The following CNTRL variants were observed in gnomAD, a reference collection of about 807,000 sequenced individuals.
CNTRL encodes centriolin.
In CNTRL, 233 loss-of-function variants were observed where a neutral mutation model predicts 303.7. That is an observed-to-expected ratio of 0.77 (90% confidence interval 0.69 to 0.86). The LOEUF is 0.86. Ranked by LOEUF, CNTRL falls within the 40% of genes least tolerant of loss-of-function variation. The pLI is 0.00. For synonymous variants in CNTRL, 900 were observed against 922.2 expected, an observed-to-expected ratio of 0.98 and a Z score of 0.44; for missense variants, 2,524 against 2,650.6, an observed-to-expected ratio of 0.95 and a Z score of 1.05.
intron 17 of CNTRL, 86 bp from the exon 18 acceptor site, chr9:121,141,295 C>T: frequency 9.3e-7 from 1 of 1,075,652 alleles, no homozygotes; most frequent in South Asian, 1.4e-5. Flanking sequence ...CAGCTTTTTA[C>T]TCTGGAGCTA....
chr9:121,168,513 G>A (rs759893353), intron 38 of CNTRL, among the ~76,000 whole-genome samples, 192 bp downstream of exon 38: 5 of 152,218 alleles, frequency 3.3e-5, no homozygotes, highest in African/African-American at 4.8e-5. Context: ...TCCTGAGACT[G>A]ACCAGCAAGT....
At chr9:121,159,182 CAT>C (rs1232969727) in intron 31 of CNTRL, among the ~76,000 whole-genome samples, 163 bp downstream of exon 31, 1 of 152,180 alleles carries the variant, frequency 6.6e-6, no homozygotes, top group African/African-American at 2.4e-5. Context: ...CAGTGGCTGT[CAT>C]GTGTAGTTCC....
rs1308938490 is a variant in CNTRL at position 121,086,779 on chromosome 9, A to G, written c.-31-1517A>G. Reference sequence around the variant, plus strand: ...CCTCAGCCTCCTCCCCTCGACCCCAAGTAGCTGGGATTACAGGTGCATGCC... The same window carrying G: ...CCTCAGCCTCCTCCCCTCGACCCCAGGTAGCTGGGATTACAGGTGCATGCC... On this transcript the variant is annotated intron_variant, in intron 2 of 43. Transcript: ENST00000373855. 2.0e-5 allele frequency among the ~76,000 whole-genome samples: 3 copies of G among 151,826 alleles called. No homozygotes were observed. The East Asian group carries it at 5.8e-4, about 29-fold the overall frequency.
At chr9:121,104,332 AC>A (rs2132844962) in intron 7 of CNTRL, among the ~76,000 whole-genome samples, 1 of 152,242 alleles carries the variant, frequency 6.6e-6, no homozygotes, top group South Asian at 2.1e-4. Context: ...CAATGAGAAC[AC>A]TTGGACACAG....
At chr9:121,110,282 C>T (rs972338364) in intron 8 of CNTRL, among the ~76,000 whole-genome samples, 1 of 152,036 alleles carries the variant, frequency 6.6e-6, no homozygotes, top group Non-Finnish European at 1.5e-5. Flanking sequence ...CTGCTAGCCT[C>T]ACAGAATTGT....
chr9:121,157,698 T>G, intron 28 of CNTRL, 42 bp from the exon 29 acceptor site: 1 of 1,607,702 alleles, frequency 6.2e-7, no homozygotes, highest in Non-Finnish European at 8.5e-7. Flanking sequence ...TAATGCATGG[T>G]AAGTCTACAG....
intron 11 of CNTRL, among the ~76,000 whole-genome samples, chr9:121,116,063 A>T (rs972333546): frequency 5.3e-5 from 8 of 152,020 alleles, no homozygotes; most frequent in Admixed American, 2.0e-4. Context: ...ATATTTATTT[A>T]AAAAAAAGGA....
intron 23 of CNTRL, 22 bp from the exon 24 acceptor site, chr9:121,148,650 G>T: frequency 1.2e-6 from 2 of 1,603,676 alleles, no homozygotes; most frequent in South Asian, 1.1e-5. Flanking sequence ...TAGATAGTGT[G>T]CTCTGCTGTC....
intron 26 of CNTRL, among the ~76,000 whole-genome samples, 161 bp downstream of exon 26, chr9:121,152,854 G>A (rs188742437): frequency 4.6e-5 from 7 of 152,290 alleles, no homozygotes; most frequent in African/African-American, 1.7e-4. Context: ...GGCTGATGGA[G>A]CTGAGGAACA....
chr9:121,162,831 T>C (rs1218212691), intron 34 of CNTRL, among the ~76,000 whole-genome samples: 1 of 152,116 alleles, frequency 6.6e-6, no homozygotes, highest in Non-Finnish European at 1.5e-5. Flanking sequence ...GTGGTATTAG[T>C]GTAAAGATAA....
intron 11 of CNTRL, among the ~76,000 whole-genome samples, chr9:121,115,923 T>G (rs1461438834): frequency 6.6e-6 from 1 of 152,164 alleles, no homozygotes; most frequent in East Asian, 1.9e-4. Flanking sequence ...AGAAATTGAC[T>G]CAAGTTTATT....
intron 34 of CNTRL, among the ~76,000 whole-genome samples, chr9:121,164,181 T>C (rs935827178): frequency 5.9e-5 from 9 of 152,148 alleles, no homozygotes; most frequent in African/African-American, 2.2e-4. Context: ...TCATATATGA[T>C]TGAGGGGCAT....
At position 121,125,932 on chromosome 9, in the gene CNTRL, G is replaced by A. The variant is rs1588173794; in HGVS notation, c.2021G>A (p.Arg674Lys). The change falls in exon 14 of 44, where the codon AGG becomes AAG. Residue 674 changes from arginine (R) to lysine (K), a missense_variant. Physicochemically the swap from Arg to Lys is conservative, Grantham distance 26. Transcript: ENST00000373855. ...GTTGCCATGGATGCAGAAAATATGA[G>A]GAAGGTATGATTTTTTTCCTGCCTA... is the stretch of plus-strand genomic sequence containing the variant. ...EIVAMDAENM[R>K]KELAELESAL... 5 of 1,613,432 alleles carry A rather than the reference G, an allele frequency of 3.1e-6. No individual in the cohort carries two copies. Among genetic ancestry groups the A allele is most frequent in the Non-Finnish European group, 4.2e-6 (5 of 1,179,378 alleles).
intron 42 of CNTRL, among the ~76,000 whole-genome samples, chr9:121,174,197 A>G (rs987281305): frequency 6.6e-6 from 1 of 152,146 alleles, no homozygotes; most frequent in Non-Finnish European, 1.5e-5. Context: ...GGCAGCCAAA[A>G]ATAGGAGTCT....
intron 4 of CNTRL, among the ~76,000 whole-genome samples, chr9:121,091,868 C>T (rs1384087365): frequency 7.0e-6 from 1 of 142,646 alleles, no homozygotes; most frequent in East Asian, 2.1e-4. Flanking sequence ...AAGGTCTCAA[C>T]TTAGTGAGGT....
chr9:121,134,500 T>C, intron 14 of CNTRL, among the ~76,000 whole-genome samples: 1 of 152,170 alleles, frequency 6.6e-6, no homozygotes, highest in Non-Finnish European at 1.5e-5. Flanking sequence ...TTTCACCATG[T>C]TGGCCAGGAT....
In CNTRL at chr9:121,167,551, G is replaced by A; in HGVS notation, c.5718G>A (p.Lys1906=). The change falls in exon 37 of 44, where the codon AAG becomes AAA. Residue 1906 remains lysine, a synonymous_variant. Coordinates refer to ENST00000373855, the MANE Select transcript of CNTRL (RefSeq NM_007018.6). ...VLLSEQTRLQ[K]DISEWANRFE... ...TCAGTGAGCAGACCCGACTCCAGAAGGACATCAGTGAATGGGCAAATAGGT... is the reference window on the plus strand; with the variant it reads ...TCAGTGAGCAGACCCGACTCCAGAAAGACATCAGTGAATGGGCAAATAGGT... 1 of 1,614,070 alleles carries A rather than the reference G, an allele frequency of 6.2e-7. No individual in the cohort carries two copies. The highest frequency in any genetic ancestry group is 8.5e-7 in the Non-Finnish European group (1 of 1,179,994).
At chr9:121,134,670 G>A (rs72760231) in intron 14 of CNTRL, among the ~76,000 whole-genome samples, 12,173 of 152,262 alleles carry the variant, frequency 0.08, 536 homozygotes, top group Non-Finnish European at 0.11. Flanking sequence ...GTGCACATGC[G>A]TGTGTGAAAT....
chr9:121,085,844 G>C (rs912385936), intron 2 of CNTRL, among the ~76,000 whole-genome samples: 1 of 152,214 alleles, frequency 6.6e-6, no homozygotes, highest in Non-Finnish European at 1.5e-5. Flanking sequence ...GGGGAGGCCA[G>C]AAAGTTTGGG....
Sources: gnomAD v4.1 joint callset for allele counts (sites outside exome capture counted in the v4.1 genomes callset) on GRCh38, gnomAD v4.1.1 for gene constraint, MANE v1.5 for transcripts, NCBI Gene and HGNC (gene_info 2026-07-23, HGNC 2026-07-21) for gene names.